Variants in OSBPL3 observed in about 807,000 individuals in gnomAD.
The protein encoded by OSBPL3 is oxysterol-binding protein-related protein 3.
OSBPL3 carries 65 observed loss-of-function variants against 120.1 expected under a neutral mutation model. The ratio of observed to expected loss-of-function variants is 0.54; its 90% CI spans 0.44 to 0.67. OSBPL3 has a LOEUF of 0.67. OSBPL3 is among the 30% of genes least tolerant of loss of function. The pLI is 0.00. For synonymous variants in OSBPL3, 416 were observed against 402.6 expected (o/e 1.03, Z -0.40); for missense variants, 1,004 against 1,082.1 (o/e 0.93, Z 1.01).
chr7:24,827,303 G>C lies in OSBPL3; in HGVS notation c.1884+3465C>G, dbSNP rs1170948035. Among the ~76,000 whole-genome samples, 1 of 152,232 alleles carries C rather than the reference G, an allele frequency of 6.6e-6. No homozygotes were observed. The highest frequency in any genetic ancestry group is 2.4e-5 in the African/African-American group (1 of 41,456). On this transcript the variant is annotated intron_variant, in intron 16 of 22. Coordinates refer to ENST00000313367, the MANE Select transcript of OSBPL3 (RefSeq NM_015550.4). The surrounding 1 kb of genome is among the most constrained non-coding windows in gnomAD (Gnocchi z 5.1). ...GCAGAAAGAGCCATACCAGGTACCA[G>C]CAGGAAACAGAATAAATGCTCTGGC... is the stretch of plus-strand genomic sequence containing the variant.
chr7:24,827,706 G>C lies in OSBPL3; in HGVS notation c.1884+3062C>G, dbSNP rs1286495789. ...TCCCTGAGAGACTCATCCATTCTTA[G>C]GTATATTAAAATAACCAACTATCTG... On this transcript the variant is annotated intron_variant, in intron 16 of 22. Transcript: ENST00000313367. This position sits in a 1 kb window ranked among gnomAD's most constrained non-coding sequence, Gnocchi z 5.1. Among the ~76,000 whole-genome samples, 2 of 152,112 alleles carry C rather than the reference G, an allele frequency of 1.3e-5. No homozygotes were observed. Among genetic ancestry groups the C allele is most frequent in the Non-Finnish European group, 2.9e-5 (2 of 68,036 alleles).
At chr7:24,944,049 AG>A (rs1813403055) in intron 1 of OSBPL3, among the ~76,000 whole-genome samples, 2 of 151,126 alleles carry the variant, frequency 1.3e-5, no homozygotes, top group Non-Finnish European at 2.9e-5. Flanking sequence ...AAACCAAGGA[AG>A]AAATTTAAAA....
At chr7:24,944,212 T>C (rs1584696544) in intron 1 of OSBPL3, among the ~76,000 whole-genome samples, 1 of 152,198 alleles carries the variant, frequency 6.6e-6, no homozygotes, top group Non-Finnish European at 1.5e-5. Context: ...ATAGTGGCTG[T>C]AACACCTCCT....
rs760296101 is a variant in OSBPL3, at chr7:24,849,139, C to T, written c.1196G>A (p.Arg399His). The T allele has an allele frequency of 5.1e-5, 82 of 1,613,716 alleles. No homozygotes were observed. Among genetic ancestry groups the T allele is most frequent in the Admixed American group, 2.8e-4 (17 of 59,996 alleles). The change falls in exon 12 of 23, where the codon CGC (arginine) becomes CAC (histidine). Residue 399 changes from arginine to histidine, a missense_variant. By Grantham distance (29) the Arg-to-His change is conservative. Around this residue, in one of 4 missense-constraint regions of OSBPL3, gnomAD observed 272 missense variants for 248.8 expected, o/e 1.09. Coordinates refer to ENST00000313367, the MANE Select transcript of OSBPL3 (RefSeq NM_015550.4). The surrounding 1 kb of genome is among the most constrained non-coding windows in gnomAD (Gnocchi z 5.4). ...AQNTDLKERL[R>H]RIHAESLLLD... ...GAGCAGAGACTCGGCATGGATTCTG[C>T]GTAAGCGTTCTTTAAGATCTGTGTT...
At chr7:24,893,480 G>A (rs112855606) in intron 1 of OSBPL3, among the ~76,000 whole-genome samples, 2 of 152,294 alleles carry the variant, frequency 1.3e-5, no homozygotes, top group African/African-American at 4.8e-5. Flanking sequence ...TAGAGTGACT[G>A]CTTAATGGCT....
intron 22 of OSBPL3, among the ~76,000 whole-genome samples, chr7:24,800,702 C>T (rs1485308189): frequency 6.6e-6 from 1 of 151,914 alleles, no homozygotes; most frequent in Non-Finnish European, 1.5e-5. Context: ...GGTGATCCAC[C>T]CACTTCGGAC....
chr7:24,874,723 G>T (rs1011709579), intron 2 of OSBPL3, among the ~76,000 whole-genome samples: 1 of 151,954 alleles, frequency 6.6e-6, no homozygotes, highest in African/African-American at 2.4e-5. Context: ...CTTCCACCTG[G>T]GGTCAGAACT....
chr7:24,943,206 G>A (rs1230987590), intron 1 of OSBPL3, among the ~76,000 whole-genome samples: 2 of 152,182 alleles, frequency 1.3e-5, no homozygotes, highest in African/African-American at 4.8e-5. Flanking sequence ...TCCCTTCCAT[G>A]GTTGCCCTGG....
chr7:24,933,724 G>A lies in OSBPL3; in HGVS notation c.-149-41103C>T, dbSNP rs1422420891. On this transcript the variant is annotated intron_variant, in intron 1 of 22. Coordinates refer to ENST00000313367, the MANE Select transcript of OSBPL3 (RefSeq NM_015550.4). The surrounding 1 kb of genome is among the most constrained non-coding windows in gnomAD (Gnocchi z 5.1). ...AGGCAAGTATTTGCCTATGCTCTCA[G>A]TTCTGATCATAAGTTGATATTTAAA... 2.0e-5 allele frequency among the ~76,000 whole-genome samples: 3 copies of A among 152,176 alleles called. No homozygotes were observed. Among genetic ancestry groups the A allele is most frequent in the African/African-American group, 7.2e-5 (3 of 41,444 alleles).
intron 1 of OSBPL3, among the ~76,000 whole-genome samples, chr7:24,957,389 T>C (rs920836276): frequency 6.6e-6 from 1 of 152,196 alleles, no homozygotes. Context: ...TCGTAATGAA[T>C]TCCAACGTTT....
intron 16 of OSBPL3, among the ~76,000 whole-genome samples, chr7:24,823,235 C>T (rs1226869652): frequency 6.6e-6 from 1 of 152,010 alleles, no homozygotes; most frequent in Non-Finnish European, 1.5e-5. Context: ...TCCACTGACT[C>T]GGCCAACTAA....
In OSBPL3 at chr7:24,980,108, C is replaced by T. The variant is rs1818126006; in HGVS notation, c.-372G>A. 10 of 956,186 alleles carry T rather than the reference C, an allele frequency of 1.0e-5. No individual in the cohort carries two copies. Among genetic ancestry groups the T allele is most frequent in the Non-Finnish European group, 1.2e-5 (10 of 803,380 alleles). 59.2% of individuals were successfully genotyped at this position (956,186 alleles called of 1,614,324 possible). A position where few individuals can be genotyped will look rare whatever the true frequency, so the allele number is the denominator to read the frequency against. ...GCACCGGCCGCGAAGCGCTCAAGTC[C>T]CCTCTCCCGGGCCGGCTGGCGGGCG... On this transcript the variant is annotated 5_prime_UTR_variant, in exon 1 of 23. Coordinates refer to ENST00000313367, the MANE Select transcript of OSBPL3 (RefSeq NM_015550.4).
Position 24,863,337 on chromosome 7 carries a change from CA to C in OSBPL3, c.778-46del. 6.5e-7 allele frequency: 1 copy of C among 1,545,914 alleles called. No individual in the cohort carries two copies. Among genetic ancestry groups the C allele is most frequent in the African/African-American group, 1.4e-5 (1 of 73,664 alleles). On this transcript the variant is annotated intron_variant, in intron 8 of 22. Transcript: ENST00000313367. The surrounding 1 kb of genome is among the most constrained non-coding windows in gnomAD (Gnocchi z 5.8). ...AGAGAGCACAGACAGTAAAGTCCACCAAACCGACAAGGATAAATGCATAGCA... is the reference window on the plus strand; with the variant it reads ...AGAGAGCACAGACAGTAAAGTCCACCAACCGACAAGGATAAATGCATAGCA...
In OSBPL3 at chr7:24,830,139, G is replaced by C. The variant is rs1398550534; in HGVS notation, c.1884+629C>G. On this transcript the variant is annotated intron_variant, in intron 16 of 22. Transcript: ENST00000313367. The surrounding 1 kb of genome is among the most constrained non-coding windows in gnomAD (Gnocchi z 4.4). ...GTCTGAAGCCTGAGTATTACTCTAT[G>C]CTACTTCTATGGCAAGAGTGTGATG... 6.6e-6 allele frequency among the ~76,000 whole-genome samples: 1 copy of C among 152,178 alleles called. No homozygotes were observed.
At position 24,854,498 on chromosome 7, in the gene OSBPL3, A is replaced by ACACG. The variant is rs758417381; in HGVS notation, c.1028-1868_1028-1865dup. Among the ~76,000 whole-genome samples the ACACG allele has an allele frequency of 1.3e-5, 1 of 75,596 alleles. No individual in the cohort carries two copies. The highest frequency in any genetic ancestry group is 2.7e-5 in the Non-Finnish European group (1 of 37,632). The allele number at this position is 75,596 out of a possible 152,430, so 49.6% of individuals were successfully genotyped here. ...AAGTCACAACAATTTGTACACACACACACGCACACACACACACACACACAC... is the reference window on the plus strand; with the variant it reads ...AAGTCACAACAATTTGTACACACACACACGCACGCACACACACACACACACACAC... On this transcript the variant is annotated intron_variant, in intron 10 of 22. Transcript: ENST00000313367. This position sits in a 1 kb window ranked among gnomAD's most constrained non-coding sequence, Gnocchi z 4.1.
intron 2 of OSBPL3, among the ~76,000 whole-genome samples, chr7:24,884,614 G>T (rs1427216977): frequency 6.6e-6 from 1 of 152,136 alleles, no homozygotes; most frequent in East Asian, 1.9e-4. Context: ...GGGCTCCCGG[G>T]ACTCCTCTGC....
rs1197799891 is a variant in OSBPL3 at position 24,930,152 on chromosome 7, C to A, written c.-149-37531G>T. Reference sequence around the variant, plus strand: ...AGGTTAACCTGGAAAGGTTAATGACCAACTGAATTGATGGCTTTATTCTTC... The same window carrying A: ...AGGTTAACCTGGAAAGGTTAATGACAAACTGAATTGATGGCTTTATTCTTC... On this transcript the variant is annotated intron_variant, in intron 1 of 22. Coordinates refer to ENST00000313367, the MANE Select transcript of OSBPL3 (RefSeq NM_015550.4). The surrounding 1 kb of genome is among the most constrained non-coding windows in gnomAD (Gnocchi z 4.4). Among the ~76,000 whole-genome samples the A allele has an allele frequency of 2.0e-5, 3 of 151,948 alleles. No homozygotes were observed. The highest frequency in any genetic ancestry group is 4.8e-5 in the African/African-American group (2 of 41,370).
At chr7:24,980,550 G>C (rs1189196769), upstream of OSBPL3, among the ~76,000 whole-genome samples, 1 of 152,046 alleles carries the variant, frequency 6.6e-6, no homozygotes, top group Non-Finnish European at 1.5e-5. Context: ...GGAGGAAAAA[G>C]TGAGGGCAGC....
At chr7:24,902,713 T>C (rs1284348984) in intron 1 of OSBPL3, among the ~76,000 whole-genome samples, 1 of 147,882 alleles carries the variant, frequency 6.8e-6, no homozygotes, top group Non-Finnish European at 1.5e-5. Context: ...ATAATAATAA[T>C]AATAATAATA....
Sources: allele counts gnomAD v4.1 joint callset (sites outside exome capture counted in the v4.1 genomes callset), GRCh38; gene constraint gnomAD v4.1.1; regional missense constraint gnomAD v4.1.1; non-coding constraint Gnocchi (gnomAD v3.1); transcripts MANE v1.5; gene names NCBI Gene and HGNC (gene_info 2026-07-23, HGNC 2026-07-21).